The following SGCZ variants were observed in gnomAD, a reference collection of about 807,000 sequenced individuals.
The protein encoded by SGCZ is zeta-sarcoglycan.
A neutral mutation model predicts 41.3 loss-of-function variants in SGCZ; 40 were observed. The ratio of observed to expected loss-of-function variants is 0.97; its 90% CI spans 0.75 to 1.26. The LOEUF is 1.26. Ranked by LOEUF, SGCZ falls within the 50% of genes most tolerant of loss-of-function variation. The pLI, the probability that SGCZ is intolerant of heterozygous loss-of-function variation, is 0.00. For missense variants in SGCZ, 552 were observed against 369.8 expected (o/e 1.49, Z -4.04); for synonymous variants, 206 against 137.5 (o/e 1.50, Z -3.49).
chr8:14,137,111 A>C (rs961184123), intron 5 of SGCZ, among the ~76,000 whole-genome samples: 3 of 152,164 alleles, frequency 2.0e-5, no homozygotes, highest in Non-Finnish European at 4.4e-5. Flanking sequence ...ACCAACAAAC[A>C]GAAAGAAAGA....
At chr8:14,612,183 C>T (rs893662658) in intron 1 of SGCZ, among the ~76,000 whole-genome samples, 3 of 151,954 alleles carry the variant, frequency 2.0e-5, no homozygotes, top group African/African-American at 7.3e-5. Context: ...GTGTCCCCAC[C>T]CAAATCTCAT....
intron 4 of SGCZ, among the ~76,000 whole-genome samples, chr8:14,212,343 G>C (rs1238902872): frequency 6.6e-6 from 1 of 151,794 alleles, no homozygotes. Context: ...CTTACCCATA[G>C]ATACTGGGTG....
intron 6 of SGCZ, among the ~76,000 whole-genome samples, chr8:14,105,826 T>C (rs544578230): frequency 6.6e-6 from 1 of 152,280 alleles, no homozygotes; most frequent in East Asian, 1.9e-4. Flanking sequence ...ACCAGTTGGT[T>C]CTTATTCCTC....
chr8:14,420,916 G>C (rs1407039996), intron 2 of SGCZ, among the ~76,000 whole-genome samples: 2 of 152,062 alleles, frequency 1.3e-5, no homozygotes, highest in Admixed American at 1.3e-4. Context: ...TAACGAAATG[G>C]CCTGTAGATG....
At chr8:14,604,049 A>G (rs1445548888) in intron 1 of SGCZ, among the ~76,000 whole-genome samples, 1 of 152,126 alleles carries the variant, frequency 6.6e-6, no homozygotes, top group Non-Finnish European at 1.5e-5. Context: ...CTCAACAATC[A>G]TATTTTTTGT....
intron 1 of SGCZ, among the ~76,000 whole-genome samples, chr8:14,666,594 T>C (rs944424700): frequency 3.3e-5 from 5 of 151,782 alleles, no homozygotes; most frequent in African/African-American, 1.2e-4. Context: ...AAAACATATT[T>C]ATCAGTCTTT....
At chr8:14,996,737 G>A (rs1802233102) in intron 1 of SGCZ, among the ~76,000 whole-genome samples, 1 of 152,150 alleles carries the variant, frequency 6.6e-6, no homozygotes, top group African/African-American at 2.4e-5. Context: ...TCCTTCCAAG[G>A]TCTTGGTTGT....
chr8:14,273,872 T>A lies in SGCZ; in HGVS notation c.337-36193A>T, dbSNP rs538993034. 2.6e-5 allele frequency among the ~76,000 whole-genome samples: 4 copies of A among 152,284 alleles called. No individual in the cohort carries two copies. The South Asian group carries it at 8.3e-4, about 32-fold the overall frequency. ...TCATAGAGACTTCATCACCCTAGTA[T>A]CTTAGAAGTCTGAAAGAGGTAAAAA... On this transcript the variant is annotated intron_variant, in intron 3 of 7. Transcript: ENST00000382080.
chr8:14,978,625 C>T (rs2130876476), intron 1 of SGCZ, among the ~76,000 whole-genome samples: 1 of 151,964 alleles, frequency 6.6e-6, no homozygotes, highest in South Asian at 2.1e-4. Flanking sequence ...CCAGCTGCAT[C>T]CCAACTTCCA....
intron 1 of SGCZ, among the ~76,000 whole-genome samples, chr8:14,668,616 C>G (rs1807991676): frequency 1.3e-5 from 2 of 151,960 alleles, no homozygotes; most frequent in South Asian, 4.1e-4. Flanking sequence ...TAAATAATTA[C>G]CTTTGTCCAA....
chr8:14,616,312 T>G (rs1220438067), intron 1 of SGCZ, among the ~76,000 whole-genome samples: 1 of 150,994 alleles, frequency 6.6e-6, no homozygotes, highest in African/African-American at 2.4e-5. Flanking sequence ...AGAAAAACCC[T>G]GAACTAGACT....
At position 15,001,707 on chromosome 8, in the gene SGCZ, C is replaced by A. The variant is rs186017141; in HGVS notation, c.39+235878G>T. On this transcript the variant is annotated intron_variant, in intron 1 of 7. Transcript: ENST00000382080. ...TTGCACCACTGCACTCCAGCCTGGG[C>A]AAAAGAGCAAGACTCCGTCTCAAAA... Among the ~76,000 whole-genome samples the A allele has an allele frequency of 5.9e-3, 477 of 80,352 alleles. 1 individual carries two copies. Among genetic ancestry groups the A allele is most frequent in the African/African-American group, 0.021 (445 of 20,800 alleles). 52.7% of individuals were successfully genotyped at this position (80,352 alleles called of 152,430 possible).
chr8:15,149,711 C>CAA (rs750167614), intron 1 of SGCZ, among the ~76,000 whole-genome samples: 3,152 of 57,030 alleles, frequency 0.055, 147 homozygotes, highest in African/African-American at 0.12. Flanking sequence ...CTATAAACTA[C>CAA]AAAAAAAAAA....
chr8:14,300,818 T>G (rs1275655719), intron 3 of SGCZ, among the ~76,000 whole-genome samples: 1 of 152,178 alleles, frequency 6.6e-6, no homozygotes, highest in East Asian at 1.9e-4. Flanking sequence ...CTAATCAGGC[T>G]ATTTGTTTCC....
intron 1 of SGCZ, among the ~76,000 whole-genome samples, chr8:14,971,643 T>C (rs1801299974): frequency 7.9e-6 from 1 of 127,064 alleles, no homozygotes. Context: ...TCATTTTATA[T>C]ACTTTTTTTT....
intron 2 of SGCZ, among the ~76,000 whole-genome samples, chr8:14,487,235 G>A (rs1200786872): frequency 6.6e-6 from 1 of 152,106 alleles, no homozygotes; most frequent in Non-Finnish European, 1.5e-5. Context: ...ATTTCCTAAT[G>A]TAATTGTAAA....
intron 1 of SGCZ, among the ~76,000 whole-genome samples, chr8:14,999,568 A>T (rs1298658815): frequency 6.6e-6 from 1 of 152,208 alleles, no homozygotes; most frequent in Non-Finnish European, 1.5e-5. Flanking sequence ...AAGTGGTGAG[A>T]CAGAGGCTGG....
At chr8:14,303,135 A>G (rs894133424) in intron 3 of SGCZ, among the ~76,000 whole-genome samples, 1 of 152,184 alleles carries the variant, frequency 6.6e-6, no homozygotes. Flanking sequence ...CATAAATATA[A>G]AAGAAAATAA....
chr8:14,288,864 C>A (rs547427857), intron 3 of SGCZ, among the ~76,000 whole-genome samples: 13 of 152,166 alleles, frequency 8.5e-5, no homozygotes, highest in African/African-American at 2.9e-4. Context: ...AAATGTTTTC[C>A]ATGGGGCTGT....
Sources: gnomAD v4.1 joint callset for allele counts (sites outside exome capture counted in the v4.1 genomes callset) on GRCh38, gnomAD v4.1.1 for gene constraint, MANE v1.5 for transcripts, NCBI Gene and HGNC (gene_info 2026-07-23, HGNC 2026-07-21) for gene names.